The following SCNN1G variants were observed in gnomAD, a reference collection of about 807,000 sequenced individuals.
SCNN1G encodes the protein epithelial sodium channel subunit gamma.
In SCNN1G, 27 loss-of-function variants were observed where a neutral mutation model predicts 64.6. The observed-to-expected ratio is 0.42, with a 90% CI of 0.31 to 0.58. The LOEUF is 0.58. Among genes scored for constraint, SCNN1G ranks in the 20% least tolerant of loss-of-function variants. The pLI, the probability that SCNN1G is intolerant of heterozygous loss-of-function variation, is 0.18. For synonymous variants in SCNN1G, 330 were observed against 314.2 expected (o/e 1.05, Z -0.53); for missense variants, 743 against 823.4 (o/e 0.90, Z 1.19).
chr16:23,194,138 G>A, intron 4 of SCNN1G, 33 bp from the exon 5 acceptor site: 2 of 1,444,790 alleles, frequency 1.4e-6, no homozygotes, highest in Non-Finnish European at 9.7e-7. Context: ...GCATGGGGGA[G>A]ATCCCTTTCT....
intron 6 of SCNN1G, among the ~76,000 whole-genome samples, chr16:23,203,151 A>C (rs1032478595): frequency 1.3e-5 from 2 of 152,224 alleles, no homozygotes; most frequent in African/African-American, 4.8e-5. Context: ...AGAAGGTGTG[A>C]CCAAATAAGC....
chr16:23,203,004 C>G (rs1959917525), intron 6 of SCNN1G, among the ~76,000 whole-genome samples: 1 of 152,000 alleles, frequency 6.6e-6, no homozygotes, highest in Non-Finnish European at 1.5e-5. Context: ...ATGCCATCAC[C>G]CAAGACCTGA....
chr16:23,214,438 G>T (rs1960127586), intron 11 of SCNN1G, among the ~76,000 whole-genome samples: 1 of 152,224 alleles, frequency 6.6e-6, no homozygotes, highest in African/African-American at 2.4e-5. Flanking sequence ...GTTTAATGAA[G>T]AACAGGGTAC....
intron 3 of SCNN1G, 21 bp from the exon 4 acceptor site, chr16:23,192,331 C>T (rs200720769): frequency 4.0e-5 from 64 of 1,606,350 alleles, no homozygotes; most frequent in Non-Finnish European, 5.0e-5. Flanking sequence ...GCTTCAGCCT[C>T]GCATCTCCTC....
chr16:23,186,674 G>A, intron 2 of SCNN1G, 86 bp downstream of exon 2: 1 of 1,182,898 alleles, frequency 8.5e-7, no homozygotes, highest in Non-Finnish European at 1.2e-6. Flanking sequence ...CACACTGGCA[G>A]CCTGGAGGTC....
chr16:23,214,850 C>A, intron 12 of SCNN1G, 63 bp downstream of exon 12: 1 of 1,398,110 alleles, frequency 7.2e-7, no homozygotes, highest in Non-Finnish European at 1.0e-6. Context: ...ATCTTCCTGG[C>A]CTTGGGGAGC....
chr16:23,212,988 G>A (rs1960104754), intron 10 of SCNN1G, 94 bp downstream of exon 10: 3 of 1,531,650 alleles, frequency 2.0e-6, no homozygotes, highest in Middle Eastern at 1.8e-4. Context: ...ACATGGTCCA[G>A]GGGGAAAAGA....
intron 6 of SCNN1G, among the ~76,000 whole-genome samples, chr16:23,202,248 A>ATGGGTGGG (rs879655390): frequency 1.8e-5 from 1 of 54,840 alleles, no homozygotes. Flanking sequence ...TGACAGATGG[A>ATGGGTGGG]TGGGTGGGTG....
rs768054137 is a variant in SCNN1G at position 23,214,679 on chromosome 16, A to G, written c.1494-33A>G. The stretch of plus-strand genomic sequence containing the variant: ...AGGACTGGTAATCTGGTAGGATGCC[A>G]AGGCTCTTGATTCACCTGTTGGAAT... On this transcript the variant is annotated intron_variant, in intron 11 of 12. Coordinates refer to ENST00000300061, the MANE Select transcript of SCNN1G (RefSeq NM_001039.4). 6.4e-6 allele frequency: 10 copies of G among 1,562,562 alleles called. No individual in the cohort carries two copies. The South Asian group carries it at 1.0e-4, about 16-fold the overall frequency.
chr16:23,187,106 C>CTTTTT (rs991130957), intron 2 of SCNN1G, among the ~76,000 whole-genome samples: 4 of 117,906 alleles, frequency 3.4e-5, no homozygotes, highest in African/African-American at 6.5e-5. Context: ...CTGGCCTTTT[C>CTTTTT]TTTTTTTTTT....
chr16:23,199,169 C>T (rs536111936), intron 6 of SCNN1G, among the ~76,000 whole-genome samples: 1 of 152,280 alleles, frequency 6.6e-6, no homozygotes, highest in South Asian at 2.1e-4. Flanking sequence ...GCTACTGTGT[C>T]TTGGCAGGGA....
intron 3 of SCNN1G, 121 bp from the exon 4 acceptor site, chr16:23,192,231 A>C (rs1162972389): frequency 9.5e-6 from 8 of 846,472 alleles, no homozygotes; most frequent in Non-Finnish European, 1.6e-5. Context: ...TCCTTGCCCC[A>C]GATATCCAAC....
chr16:23,199,603 G>A (rs1052880245), intron 6 of SCNN1G, among the ~76,000 whole-genome samples: 4 of 149,142 alleles, frequency 2.7e-5, no homozygotes, highest in Non-Finnish European at 4.5e-5. Context: ...GAGAAAAATG[G>A]TATCTGTTAT....
intron 5 of SCNN1G, among the ~76,000 whole-genome samples, chr16:23,195,405 C>T (rs1421086776): frequency 6.6e-6 from 1 of 152,150 alleles, no homozygotes; most frequent in Non-Finnish European, 1.5e-5. Flanking sequence ...ACAGATTGGC[C>T]TGGCTTATGC....
At chr16:23,182,977 G>C (rs1023436986) in intron 1 of SCNN1G, among the ~76,000 whole-genome samples, 164 bp downstream of exon 1, 3 of 152,300 alleles carry the variant, frequency 2.0e-5, no homozygotes, top group African/African-American at 7.2e-5. Flanking sequence ...TTGCCCGGGC[G>C]GTAGCGGCCA....
Position 23,209,790 on chromosome 16 carries a change from C to T in SCNN1G, c.1118C>T (p.Thr373Met), listed in dbSNP as rs758506620. The T allele has an allele frequency of 5.1e-5, 82 of 1,613,834 alleles. No homozygotes were observed. The highest frequency in any genetic ancestry group is 9.3e-5 in the African/African-American group (7 of 74,900). Residue 373 changes from threonine (T) to methionine (M), a missense_variant, in exon 7 of 13, where the codon ACG becomes ATG. Transcript: ENST00000300061. ...CTGAGTGAGCCCTACAGTCAGTGCA[C>T]GGAGGACGGGAGTGACGTGCCAATC... ...FKLSEPYSQC[T>M]EDGSDVPIRN...
chr16:23,205,663 G>C (rs913778711), intron 6 of SCNN1G, among the ~76,000 whole-genome samples: 49 of 150,380 alleles, frequency 3.3e-4, no homozygotes, highest in Admixed American at 5.3e-4. Flanking sequence ...TCATGCCACT[G>C]CACTCCAGCC....
rs748747493 is a variant in SCNN1G at position 23,186,484 on chromosome 16, C to T, written c.213C>T (p.Cys71=). Residue 71 remains cysteine (C), a synonymous_variant, in exon 2 of 13, where the codon TGC becomes TGT. Coordinates refer to ENST00000300061, the MANE Select transcript of SCNN1G (RefSeq NM_001039.4). ...CCGTGGCCCTCATCCTCTGGCAGTG[C>T]GCCCTCCTCGTCTTCTCCTTCTATA... is the stretch of plus-strand genomic sequence containing the variant. ...LTAVALILWQ[C]ALLVFSFYTV... 8.1e-6 allele frequency: 13 copies of T among 1,613,978 alleles called. No individual in the cohort carries two copies. In the South Asian group the frequency reaches 1.2e-4, roughly 15 times the overall value.
At position 23,203,769 on chromosome 16, in the gene SCNN1G, C is replaced by CAAA. The variant is rs71151702; in HGVS notation, c.1078-5956_1078-5954dup. 5.0e-3 allele frequency among the ~76,000 whole-genome samples: 210 copies of CAAA among 42,248 alleles called. 41 individuals are homozygous for CAAA. Among genetic ancestry groups the CAAA allele is most frequent in the African/African-American group, 0.02 (153 of 7,498 alleles). 27.7% of individuals were successfully genotyped at this position (42,248 alleles called of 152,430 possible). On this transcript the variant is annotated intron_variant, in intron 6 of 12. Transcript: ENST00000300061. ...TGGGCGACAGAGTGAGACTCCGTCT[C>CAAA]AAAAAAAAAAAAAAAAAAAAAAAAA...
Sources: allele counts gnomAD v4.1 joint callset (sites outside exome capture counted in the v4.1 genomes callset), GRCh38; gene constraint gnomAD v4.1.1; transcripts MANE v1.5; gene names NCBI Gene and HGNC (gene_info 2026-07-23, HGNC 2026-07-21).